Variants in GFOD2 observed in about 807,000 individuals in gnomAD.
The protein encoded by GFOD2 is glucose-fructose oxidoreductase domain-containing protein 2.
Under a neutral mutation model 24.6 loss-of-function variants are expected in GFOD2, and 9 were observed. That is an observed-to-expected ratio of 0.37 (90% CI 0.22 to 0.64). GFOD2 has a LOEUF of 0.64. Among genes scored for constraint, GFOD2 ranks in the 30% least tolerant of loss-of-function variants. GFOD2 has a pLI of 0.65. For synonymous variants in GFOD2, 211 were observed against 224.8 expected, an observed-to-expected ratio of 0.94 and a Z score of 0.55; for missense variants, 476 against 532.5, an observed-to-expected ratio of 0.89 and a Z score of 1.04.
At chr16:67,678,489 AAAAAAG>A (rs1567653193) in intron 2 of GFOD2, among the ~76,000 whole-genome samples, 2 of 151,750 alleles carry the variant, frequency 1.3e-5, no homozygotes, top group South Asian at 2.1e-4. Flanking sequence ...AAAAAAAAAA[AAAAAAG>A]AAAAAGAAAA....
intron 2 of GFOD2, chr16:67,683,858 T>C (rs2053246117): frequency 8.3e-7 from 1 of 1,200,530 alleles, no homozygotes; most frequent in Non-Finnish European, 1.0e-6. Flanking sequence ...AAGGAGACAC[T>C]TGGCTCCTAT....
intron 1 of GFOD2, among the ~76,000 whole-genome samples, chr16:67,688,725 T>A (rs1241824529): frequency 1.3e-5 from 2 of 150,050 alleles, no homozygotes; most frequent in Non-Finnish European, 3.0e-5. Context: ...ACAATATACA[T>A]AAAATTTACT....
intron 1 of GFOD2, among the ~76,000 whole-genome samples, chr16:67,694,424 C>A (rs771155253): frequency 1.3e-5 from 2 of 152,054 alleles, no homozygotes; most frequent in Non-Finnish European, 2.9e-5. Flanking sequence ...GGATTATAAG[C>A]GTGACCCACT....
intron 2 of GFOD2, chr16:67,682,989 GAC>G: frequency 5.9e-6 from 2 of 339,794 alleles, no homozygotes; most frequent in Non-Finnish European, 8.3e-6. Flanking sequence ...TTGCTTTTGA[GAC>G]AGTCTTACTC....
chr16:67,678,327 T>C (rs1451379098), intron 2 of GFOD2, among the ~76,000 whole-genome samples: 1 of 151,888 alleles, frequency 6.6e-6, no homozygotes, highest in African/African-American at 2.4e-5. Context: ...AAATACAAAA[T>C]TCGCTGGGCG....
intron 1 of GFOD2, among the ~76,000 whole-genome samples, chr16:67,717,799 G>A (rs1448817991): frequency 6.6e-6 from 1 of 151,964 alleles, no homozygotes; most frequent in Non-Finnish European, 1.5e-5. Context: ...TCGATAGATA[G>A]ATAGATAGAT....
chr16:67,717,690 T>C (rs1346685590), intron 1 of GFOD2, among the ~76,000 whole-genome samples: 3 of 151,876 alleles, frequency 2.0e-5, no homozygotes, highest in East Asian at 3.9e-4. Flanking sequence ...ACTCAGGAGG[T>C]TGAGGCCAGA....
Position 67,699,608 on chromosome 16 carries a change from C to T in GFOD2, c.-87-13806G>A, listed in dbSNP as rs553266833. Among the ~76,000 whole-genome samples, 14 of 151,928 alleles carry T rather than the reference C, an allele frequency of 9.2e-5. No homozygotes were observed. The East Asian group carries it at 9.9e-4, about 11-fold the overall frequency. On this transcript the variant is annotated intron_variant, in intron 1 of 2. Transcript: ENST00000268797. ...AGGTGATTCTCGTGCCTCAGCCACC[C>T]GAGCAGCTGGGACCACAGATGTGTA...
At chr16:67,713,775 A>G (rs2053491155) in intron 1 of GFOD2, among the ~76,000 whole-genome samples, 3 of 152,094 alleles carry the variant, frequency 2.0e-5, no homozygotes, top group Non-Finnish European at 4.4e-5. Flanking sequence ...GCCATTGACG[A>G]TCAACTTAAC....
chr16:67,686,193 AG>A (rs2053264963), intron 1 of GFOD2, among the ~76,000 whole-genome samples: 1 of 152,138 alleles, frequency 6.6e-6, no homozygotes, highest in Non-Finnish European at 1.5e-5. Flanking sequence ...CTGAGGTGAA[AG>A]GATCACATGA....
At chr16:67,676,108 T>A (rs760734196) in intron 2 of GFOD2, 55 bp from the exon 3 acceptor site, 20 of 1,493,122 alleles carry the variant, frequency 1.3e-5, no homozygotes, top group Non-Finnish European at 1.8e-5. Context: ...ATCTCCAGCA[T>A]GTCCGCCTGC....
chr16:67,691,504 C>T (rs2053312639), intron 1 of GFOD2, among the ~76,000 whole-genome samples: 1 of 147,684 alleles, frequency 6.8e-6, no homozygotes, highest in Non-Finnish European at 1.5e-5. Flanking sequence ...CACACTGTGC[C>T]TAGACCCCCC....
At position 67,681,640 on chromosome 16, in the gene GFOD2, G is replaced by A. The variant is rs117686598; in HGVS notation, c.259+3817C>T. The A allele has an allele frequency of 1.1e-5, 9 of 786,008 alleles. No individual in the cohort carries two copies. The East Asian group carries it at 8.9e-4, about 78-fold the overall frequency. 48.7% of individuals were successfully genotyped at this position (786,008 alleles called of 1,614,324 possible). On this transcript the variant is annotated intron_variant, in intron 2 of 2. Transcript: ENST00000268797. The stretch of plus-strand genomic sequence containing the variant: ...GCTCAGGCTGGTATTTAACTCCTGA[G>A]TTCAAGCGATCTGCCCACCTTGGCC...
chr16:67,695,647 T>C (rs2053353214), intron 1 of GFOD2, among the ~76,000 whole-genome samples: 1 of 151,418 alleles, frequency 6.6e-6, no homozygotes, highest in African/African-American at 2.4e-5. Flanking sequence ...GCGGTTCTCC[T>C]GTCTCAGCCT....
At chr16:67,682,773 C>T in intron 2 of GFOD2, 1 of 985,338 alleles carries the variant, frequency 1.0e-6, no homozygotes, top group Non-Finnish European at 1.2e-6. Context: ...AAAATCACAG[C>T]ACGAAGACTT....
chr16:67,683,245 A>G (rs2053241460), intron 2 of GFOD2: 1 of 1,099,672 alleles, frequency 9.1e-7, no homozygotes, highest in Non-Finnish European at 1.1e-6. Context: ...CCAGAAAAAA[A>G]GCAAGCTTGT....
rs746329728 is a variant in GFOD2, at chr16:67,685,475, T to C, written c.241A>G (p.Ile81Val). The change falls in exon 2 of 3, where the codon ATA becomes GTA. Residue 81 changes from isoleucine (I) to valine (V), a missense_variant. By Grantham distance (29) the Ile-to-Val change is conservative. Coordinates refer to ENST00000268797, the MANE Select transcript of GFOD2 (RefSeq NM_030819.4). ...ISIPPPLTRQ[I>V]SVKALGIGKN... is the part of the protein sequence containing the mutation. ...GGCGTACCTAGAGCCTTCACGGATATCTGCCGGGTGAGTGGAGGGGGGATG... is the reference window on the plus strand; with the variant it reads ...GGCGTACCTAGAGCCTTCACGGATACCTGCCGGGTGAGTGGAGGGGGGATG... 106 of 1,614,050 alleles carry C rather than the reference T, an allele frequency of 6.6e-5. 1 individual carries two copies. The South Asian group carries it at 1.0e-3, about 16-fold the overall frequency.
At chr16:67,698,478 TTTTC>T (rs1163232731) in intron 1 of GFOD2, among the ~76,000 whole-genome samples, 3 of 152,142 alleles carry the variant, frequency 2.0e-5, no homozygotes, top group Non-Finnish European at 2.9e-5. Flanking sequence ...ATTGGATTTT[TTTTC>T]TTTTTCTTTT....
intron 1 of GFOD2, among the ~76,000 whole-genome samples, chr16:67,691,911 G>A (rs1465086586): frequency 1.3e-5 from 2 of 152,090 alleles, no homozygotes; most frequent in Admixed American, 6.6e-5. Context: ...CTATCCTCAC[G>A]TGCTACTGAT....
Sources: allele counts gnomAD v4.1 joint callset (sites outside exome capture counted in the v4.1 genomes callset), GRCh38; gene constraint gnomAD v4.1.1; transcripts MANE v1.5; gene names NCBI Gene and HGNC (gene_info 2026-07-23, HGNC 2026-07-21).